DAPK1: variants seen among roughly 807,000 people sequenced by gnomAD.
The protein encoded by DAPK1 is death associated protein kinase 1, also known as death-associated protein kinase 1.
Under a neutral mutation model 144.9 loss-of-function variants are expected in DAPK1, and 56 were observed. The observed-to-expected ratio is 0.39, with a 90% confidence interval of 0.31 to 0.48. The LOEUF (loss-of-function observed/expected upper bound fraction) is 0.48. Among genes scored for constraint, DAPK1 ranks in the 20% least tolerant of loss-of-function variants. The pLI, the probability that DAPK1 is intolerant of heterozygous loss-of-function variation, is 0.95. For missense variants in DAPK1, 1,454 were observed against 1,875.4 expected (o/e 0.78, Z 4.15); for synonymous variants, 690 against 749.0 (o/e 0.92, Z 1.29).
intron 11 of DAPK1, among the ~76,000 whole-genome samples, chr9:87,644,100 T>C (rs1830187090): frequency 6.6e-6 from 1 of 152,202 alleles, no homozygotes; most frequent in Admixed American, 6.5e-5. Context: ...ATGTGAACTT[T>C]GACAAAGTGG....
In DAPK1 at chr9:87,573,609, A is replaced by G. The variant is rs77888189; in HGVS notation, c.63-31345A>G. ...GCTGTGCCACCTCTTCCTGACCACC[A>G]AGGATCAGACTTCTGGAAGAAGAAA... On this transcript the variant is annotated intron_variant, in intron 2 of 25. Coordinates refer to ENST00000408954, the MANE Select transcript of DAPK1 (RefSeq NM_004938.4). 4.0e-3 allele frequency among the ~76,000 whole-genome samples: 616 copies of G among 152,314 alleles called. 11 individuals carry two copies. The highest frequency in any genetic ancestry group is 0.014 in the African/African-American group (585 of 41,578).
chr9:87,698,820 G>A, intron 23 of DAPK1, 26 bp downstream of exon 23: 1 of 1,496,696 alleles, frequency 6.7e-7, no homozygotes, highest in Non-Finnish European at 9.3e-7. Context: ...TTAGTCTCCA[G>A]CTCACGGGTA....
At chr9:87,501,665 G>T (rs114780468) in intron 2 of DAPK1, among the ~76,000 whole-genome samples, 2 of 152,188 alleles carry the variant, frequency 1.3e-5, no homozygotes, top group Non-Finnish European at 2.9e-5. Flanking sequence ...AGGAAAGATG[G>T]GTTTTTGAAG....
At chr9:87,522,886 G>A (rs921010978) in intron 2 of DAPK1, among the ~76,000 whole-genome samples, 1 of 152,120 alleles carries the variant, frequency 6.6e-6, no homozygotes, top group Non-Finnish European at 1.5e-5. Flanking sequence ...AGAACTATTT[G>A]TCTCTGCTTT....
In DAPK1 at chr9:87,697,015, G is replaced by A. The variant is rs761206401; in HGVS notation, c.2422G>A (p.Asp808Asn). 4.5e-6 allele frequency: 7 copies of A among 1,559,908 alleles called. No homozygotes were observed. The highest frequency in any genetic ancestry group is 1.1e-5 in the South Asian group (1 of 89,954). The change falls in exon 22 of 26, where the codon GAT becomes AAT. Residue 808 changes from aspartate (D) to asparagine (N), a missense_variant. Transcript: ENST00000408954. ...IQNAYLNGVG[D>N]FSVWEFSGNP... Reference sequence around the variant, plus strand: ...TTTTTCTTTTTCTGTAGGAGTTGGCGATTTCAGCGTGTGGGAGTTCTCTGG... The same window carrying A: ...TTTTTCTTTTTCTGTAGGAGTTGGCAATTTCAGCGTGTGGGAGTTCTCTGG...
At chr9:87,555,332 G>A (rs1243828865) in intron 2 of DAPK1, among the ~76,000 whole-genome samples, 8 of 152,206 alleles carry the variant, frequency 5.3e-5, no homozygotes, top group Middle Eastern at 3.4e-3. Context: ...CAACATATCT[G>A]CCCTCCCTTT....
intron 2 of DAPK1, among the ~76,000 whole-genome samples, chr9:87,585,894 T>A (rs763706951): frequency 1.3e-5 from 2 of 152,244 alleles, no homozygotes; most frequent in Admixed American, 1.3e-4. Context: ...CATTATTGAC[T>A]ACATGCTTAA....
chr9:87,498,396 T>G, intron 1 of DAPK1: 2 of 332,730 alleles, frequency 6.0e-6, no homozygotes, highest in Admixed American at 4.9e-5. Flanking sequence ...TTCCCTCCCT[T>G]GCTCCCCCGG....
intron 20 of DAPK1, among the ~76,000 whole-genome samples, chr9:87,683,290 C>G (rs982047730): frequency 6.6e-6 from 1 of 151,986 alleles, no homozygotes; most frequent in African/African-American, 2.4e-5. Flanking sequence ...ACCATATTGG[C>G]CAGGCTGGTC....
chr9:87,679,542 G>A (rs1033667704), intron 19 of DAPK1, among the ~76,000 whole-genome samples: 2 of 152,074 alleles, frequency 1.3e-5, no homozygotes, highest in African/African-American at 2.4e-5. Context: ...TGCACTGAAC[G>A]CCTTGCCTAC....
At chr9:87,653,039 TC>T (rs1224198138) in intron 17 of DAPK1, among the ~76,000 whole-genome samples, 1 of 146,354 alleles carries the variant, frequency 6.8e-6, no homozygotes, top group African/African-American at 2.5e-5. Context: ...TGATCCCAGG[TC>T]CTGATTCTGT....
chr9:87,555,115 A>C (rs1826655447), intron 2 of DAPK1, among the ~76,000 whole-genome samples: 1 of 152,216 alleles, frequency 6.6e-6, no homozygotes, highest in African/African-American at 2.4e-5. Flanking sequence ...GGGCAGCCTC[A>C]GTATTATGAC....
intron 16 of DAPK1, chr9:87,650,566 T>A (rs10780867): frequency 0.13 from 26,662 of 202,128 alleles, 2,226 homozygotes; most frequent in South Asian, 0.23. Context: ...CCAGGTTTAA[T>A]TAAACAAATT....
chr9:87,676,042 C>T (rs1824367061), intron 19 of DAPK1, among the ~76,000 whole-genome samples: 2 of 152,146 alleles, frequency 1.3e-5, no homozygotes, highest in Admixed American at 6.5e-5. Context: ...TGAGTACCCT[C>T]CAGCCACACC....
intron 19 of DAPK1, among the ~76,000 whole-genome samples, chr9:87,677,809 A>G (rs1263854639): frequency 6.6e-6 from 1 of 152,146 alleles, no homozygotes; most frequent in African/African-American, 2.4e-5. Flanking sequence ...TGGACTCACA[A>G]GGAAGACCCA....
intron 3 of DAPK1, among the ~76,000 whole-genome samples, chr9:87,624,740 C>G (rs1829430408): frequency 6.6e-6 from 1 of 152,180 alleles, no homozygotes; most frequent in South Asian, 2.1e-4. Flanking sequence ...TTTTTGCCAT[C>G]AACTGTACCT....
chr9:87,635,630 A>G (rs1829866649), intron 3 of DAPK1, among the ~76,000 whole-genome samples: 1 of 152,152 alleles, frequency 6.6e-6, no homozygotes, highest in Admixed American at 6.5e-5. Context: ...GGCCTTCTTT[A>G]TAACAACACT....
chr9:87,690,016 G>T (rs571948647), intron 21 of DAPK1, among the ~76,000 whole-genome samples: 1 of 152,152 alleles, frequency 6.6e-6, no homozygotes, highest in East Asian at 1.9e-4. Context: ...CAAATTTTCC[G>T]ATTGTCTTTT....
Position 87,646,562 on chromosome 9 carries a change from C to T in DAPK1, c.1230+3C>T, listed in dbSNP as rs753636801. ...CGAGAATCGATGTCCAGGATAAGGT[C>T]ATAATTGTTTTATTGAAATGAATTG... On this transcript the variant is annotated splice_donor_region_variant and intron_variant, in intron 13 of 25. Transcript: ENST00000408954. The T allele has an allele frequency of 2.9e-5, 47 of 1,600,754 alleles. No homozygotes were observed. Among genetic ancestry groups the T allele is most frequent in the Non-Finnish European group, 1.5e-5 (18 of 1,168,354 alleles).
Sources: gnomAD v4.1 joint callset for allele counts (sites outside exome capture counted in the v4.1 genomes callset) on GRCh38, gnomAD v4.1.1 for gene constraint, MANE v1.5 for transcripts, NCBI Gene and HGNC (gene_info 2026-07-23, HGNC 2026-07-21) for gene names.